GRIP1: variants seen among roughly 807,000 people sequenced by gnomAD.
GRIP1 encodes glutamate receptor interacting protein 1.
In GRIP1, 45 loss-of-function variants were observed where a neutral mutation model predicts 129.9. That is an observed-to-expected ratio of 0.35 (90% CI 0.27 to 0.44). The LOEUF (loss-of-function observed/expected upper bound fraction) is 0.44. Among genes scored for constraint, GRIP1 ranks in the 20% least tolerant of loss-of-function variants. The probability of loss-of-function intolerance (pLI) is 1.00; values close to 1 mark genes in which losing one functional copy is unlikely to be tolerated. For synonymous variants in GRIP1, 530 were observed against 520.8 expected (o/e 1.02, Z -0.24); for missense variants, 1,196 against 1,396.8 (o/e 0.86, Z 2.29).
chr12:66,523,047 G>C (rs4913535), intron 5 of GRIP1, among the ~76,000 whole-genome samples: 1 of 151,712 alleles, frequency 6.6e-6, no homozygotes, highest in Admixed American at 6.6e-5. Context: ...CCAAATCTAC[G>C]TCTGACTGGT....
At chr12:66,761,549 C>T (rs938809613) in intron 1 of GRIP1, among the ~76,000 whole-genome samples, 7 of 152,216 alleles carry the variant, frequency 4.6e-5, no homozygotes, top group South Asian at 4.2e-4. Flanking sequence ...CCTTGTTCCC[C>T]GTCACATTGG....
chr12:66,965,797 A>T (rs57142826), intron 1 of GRIP1, among the ~76,000 whole-genome samples: 7,603 of 152,140 alleles, frequency 0.05, 494 homozygotes, highest in African/African-American at 0.15. Flanking sequence ...AAGCAGCAAG[A>T]CTCATCCTCT....
intron 1 of GRIP1, among the ~76,000 whole-genome samples, chr12:66,774,874 A>C: frequency 6.6e-6 from 1 of 152,174 alleles, no homozygotes; most frequent in East Asian, 1.9e-4. Context: ...AGTTCTGAAC[A>C]GTCAATTTAC....
rs201326216 is a variant in GRIP1, at chr12:66,455,468, G to A, written c.1295C>T (p.Thr432Ile). 1.8e-4 allele frequency: 294 copies of A among 1,613,978 alleles called. No individual in the cohort carries two copies. The highest frequency in any genetic ancestry group is 1.2e-3 in the Admixed American group (70 of 60,022). Reference protein sequence around the residue: ...MGTLPRSLYSTSPRGTMMRRR... With the variant: ...MGTLPRSLYSISPRGTMMRRR... ...CCTCATCATGGTTCCACGTGGGCTG[G>A]TGGAGTAGAGGCTTCGAGGTAGAGT... Residue 432 changes from threonine (T) to isoleucine (I), a missense_variant, in exon 11 of 25, where the codon ACC becomes ATC. By Grantham distance (89) the Thr-to-Ile change is moderately conservative. Transcript: ENST00000359742.
chr12:66,629,273 G>A (rs891544800), intron 1 of GRIP1, among the ~76,000 whole-genome samples: 1 of 152,140 alleles, frequency 6.6e-6, no homozygotes, highest in African/African-American at 2.4e-5. Context: ...AGCCTGGCTG[G>A]AGCAGTCCCT....
chr12:66,941,707 CCT>C (rs1013365158), intron 1 of GRIP1, among the ~76,000 whole-genome samples: 16 of 152,084 alleles, frequency 1.1e-4, no homozygotes, highest in African/African-American at 3.9e-4. Flanking sequence ...TCATACCACC[CCT>C]GAGATATCCA....
chr12:66,849,163 G>T (rs1399781867), intron 1 of GRIP1, among the ~76,000 whole-genome samples: 2 of 151,928 alleles, frequency 1.3e-5, no homozygotes, highest in Admixed American at 6.6e-5. Context: ...TTTCTACCTT[G>T]GACAGCTACA....
chr12:66,630,767 T>C lies in GRIP1; in HGVS notation c.56-33840A>G, dbSNP rs560314222. Among the ~76,000 whole-genome samples the C allele has an allele frequency of 7.9e-5, 12 of 152,280 alleles. No homozygotes were observed. The East Asian group carries it at 2.3e-3, about 29-fold the overall frequency. On this transcript the variant is annotated intron_variant, in intron 1 of 24. Coordinates refer to ENST00000359742, the MANE Select transcript of GRIP1 (RefSeq NM_001366722.1). Reference sequence around the variant, plus strand: ...ATCACATTTTCAGTGCAATAAAAGATGTTTTCAAATAGGTGAAAGCCTCTA... The same window carrying C: ...ATCACATTTTCAGTGCAATAAAAGACGTTTTCAAATAGGTGAAAGCCTCTA...
intron 1 of GRIP1, among the ~76,000 whole-genome samples, chr12:66,703,478 G>A (rs1051481566): frequency 2.6e-5 from 4 of 152,040 alleles, no homozygotes; most frequent in Non-Finnish European, 4.4e-5. Context: ...GCTAGGAGGT[G>A]GAGGCAATCA....
At chr12:66,781,831 A>G (rs1285961025) in intron 1 of GRIP1, among the ~76,000 whole-genome samples, 1 of 152,188 alleles carries the variant, frequency 6.6e-6, no homozygotes, top group Non-Finnish European at 1.5e-5. Flanking sequence ...GGAAGGGTGT[A>G]TAAATTGGTA....
intron 16 of GRIP1, among the ~76,000 whole-genome samples, chr12:66,404,458 G>A (rs969162146): frequency 2.0e-5 from 3 of 152,048 alleles, no homozygotes; most frequent in African/African-American, 4.8e-5. Flanking sequence ...GTGGCTGTTC[G>A]TCTTCCACCA....
intron 7 of GRIP1, among the ~76,000 whole-genome samples, chr12:66,478,202 C>G (rs2059683845): frequency 6.6e-6 from 1 of 152,156 alleles, no homozygotes; most frequent in Admixed American, 6.5e-5. Flanking sequence ...ACAACCCCAT[C>G]AAAAAGTGGG....
intron 1 of GRIP1, among the ~76,000 whole-genome samples, chr12:66,722,684 T>G (rs2036095490): frequency 6.6e-6 from 1 of 152,190 alleles, no homozygotes; most frequent in African/African-American, 2.4e-5. Flanking sequence ...GAGGGATGCC[T>G]GTATGTAGCT....
intron 1 of GRIP1, among the ~76,000 whole-genome samples, chr12:66,663,508 G>A (rs1341622541): frequency 6.6e-6 from 1 of 152,152 alleles, no homozygotes; most frequent in Non-Finnish European, 1.5e-5. Context: ...AGAGCTTAAT[G>A]GTTTGACAGA....
chr12:66,531,795 A>AT (rs971384709), intron 4 of GRIP1, among the ~76,000 whole-genome samples: 519 of 150,214 alleles, frequency 3.5e-3, no homozygotes, highest in Non-Finnish European at 4.9e-3. Flanking sequence ...TAAGAAAATG[A>AT]TTTTTTTTTT....
chr12:66,434,630 A>T (rs2058246854), intron 13 of GRIP1, among the ~76,000 whole-genome samples: 1 of 152,248 alleles, frequency 6.6e-6, no homozygotes, highest in African/African-American at 2.4e-5. Flanking sequence ...TGCAAATGTC[A>T]TAAATATTTC....
chr12:66,355,115 G>T (rs149621768), intron 23 of GRIP1, among the ~76,000 whole-genome samples: 1 of 152,188 alleles, frequency 6.6e-6, no homozygotes, highest in South Asian at 2.1e-4. Context: ...CTCAGGAGCC[G>T]GTGAAAATGC....
chr12:66,769,016 G>T (rs1053110946), intron 1 of GRIP1, among the ~76,000 whole-genome samples: 31 of 152,146 alleles, frequency 2.0e-4, no homozygotes, highest in African/African-American at 7.2e-4. Flanking sequence ...TAATCCAGTA[G>T]GTCTTGTGCA....
At chr12:66,757,901 G>A (rs1771772573) in intron 1 of GRIP1, among the ~76,000 whole-genome samples, 1 of 151,900 alleles carries the variant, frequency 6.6e-6, no homozygotes, top group African/African-American at 2.4e-5. Context: ...CATCTTTTTG[G>A]TTGTTGGTAA....
Sources: gnomAD v4.1 joint callset for allele counts (sites outside exome capture counted in the v4.1 genomes callset) on GRCh38, gnomAD v4.1.1 for gene constraint, MANE v1.5 for transcripts, NCBI Gene and HGNC (gene_info 2026-07-23, HGNC 2026-07-21) for gene names.